TLR6: variants seen among roughly 807,000 people sequenced by gnomAD.
TLR6 encodes the protein toll like receptor 6, also known as toll-like receptor 6.
Under a neutral mutation model 16.1 loss-of-function variants are expected in TLR6, and 9 were observed. That is an observed-to-expected ratio of 0.56 (90% CI 0.34 to 0.98). The LOEUF is 0.98. Among genes scored for constraint, TLR6 ranks in the 50% least tolerant of loss-of-function variants. The pLI, the probability that TLR6 is intolerant of heterozygous loss-of-function variation, is 0.02. For missense variants in TLR6, 786 were observed against 921.0 expected (o/e 0.85, Z 1.90); for synonymous variants, 340 against 338.6 (o/e 1.00, Z -0.04).
intron 1 of TLR6, among the ~76,000 whole-genome samples, chr4:38,849,799 C>A (rs1579259093): frequency 6.6e-6 from 1 of 152,186 alleles, no homozygotes; most frequent in African/African-American, 2.4e-5. Flanking sequence ...GAGACTTTAA[C>A]ACCCCACTGT....
chr4:38,843,060 T>C (rs1054460196), intron 1 of TLR6, among the ~76,000 whole-genome samples: 7 of 152,154 alleles, frequency 4.6e-5, no homozygotes, highest in African/African-American at 9.7e-5. Flanking sequence ...AAAGCTGCCG[T>C]ATGGAAGAGA....
chr4:38,828,549 T>C (rs749256910), exon 2 of TLR6: 2 of 1,614,078 alleles, frequency 1.2e-6, no homozygotes, highest in South Asian at 2.2e-5. Context: ...ATATGTTCTA[T>C]TGTCAATGCT....
At chr4:38,865,876 C>T in the TLR6 span, among the ~76,000 whole-genome samples, 1 of 152,214 alleles carries the variant, frequency 6.6e-6, no homozygotes. Flanking sequence ...TGGTGGCTCA[C>T]GCCTGTAATC....
the TLR6 span, among the ~76,000 whole-genome samples, chr4:38,865,358 C>T: frequency 6.6e-6 from 1 of 152,162 alleles, no homozygotes; most frequent in Non-Finnish European, 1.5e-5. Flanking sequence ...GAAGCAGCTA[C>T]ATGAGTAAAA....
chr4:38,866,979 T>C, the TLR6 span, among the ~76,000 whole-genome samples: 1 of 152,218 alleles, frequency 6.6e-6, no homozygotes, highest in Admixed American at 6.5e-5. Flanking sequence ...CCTCCGACTT[T>C]TATAGAAAAT....
At chr4:38,850,635 G>A (rs12648618) in intron 1 of TLR6, among the ~76,000 whole-genome samples, 4,718 of 152,130 alleles carry the variant, frequency 0.031, 216 homozygotes, top group African/African-American at 0.087. Flanking sequence ...TCTAGAAGAA[G>A]TGAATAAATT....
chr4:38,858,216 A>C (rs1713067648), upstream of TLR6, among the ~76,000 whole-genome samples: 1 of 152,248 alleles, frequency 6.6e-6, no homozygotes, highest in Non-Finnish European at 1.5e-5. Flanking sequence ...CCACTTGGCC[A>C]CTTACTGTGA....
intron 1 of TLR6, among the ~76,000 whole-genome samples, chr4:38,853,399 A>G (rs1053649358): frequency 6.6e-6 from 1 of 152,032 alleles, no homozygotes; most frequent in African/African-American, 2.4e-5. Context: ...AAAAGAATGC[A>G]CACATTGTTC....
rs5743824 is a variant in TLR6, at chr4:38,826,849, A to G, written c.*234T>C. 1.5e-3 allele frequency: 600 copies of G among 387,402 alleles called. 4 individuals carry two copies. Among genetic ancestry groups the G allele is most frequent in the African/African-American group, 0.012 (561 of 48,564 alleles). The allele number at this position is 387,402 out of a possible 1,614,324, so 24.0% of individuals were successfully genotyped here. ...CTGAAAAACTGAGCATTTACTCAAA[A>G]GAGACTGTTTCAATTTGAAACATAA... On this transcript the variant is annotated 3_prime_UTR_variant, in exon 2 of 2. Coordinates refer to ENST00000436693, the Ensembl canonical transcript of TLR6.
At chr4:38,826,983 T>G in exon 2 of TLR6, 1 of 948,378 alleles carries the variant, frequency 1.1e-6, no homozygotes, top group Non-Finnish European at 1.5e-6. Flanking sequence ...CCTGAAGGCA[T>G]GAGGATAATG....
chr4:38,863,584 G>A, the TLR6 span, among the ~76,000 whole-genome samples: 237 of 152,252 alleles, frequency 1.6e-3, no homozygotes, highest in African/African-American at 5.2e-3. Flanking sequence ...TACTCTTCCA[G>A]TAGTGCAGAC....
chr4:38,851,025 A>C (rs961510923), intron 1 of TLR6, among the ~76,000 whole-genome samples: 1 of 152,186 alleles, frequency 6.6e-6, no homozygotes, highest in Non-Finnish European at 1.5e-5. Context: ...CAAAAAGCTT[A>C]TCCACCATGA....
intron 1 of TLR6, among the ~76,000 whole-genome samples, chr4:38,848,123 A>G (rs1382786348): frequency 1.0e-5 from 1 of 98,248 alleles, no homozygotes; most frequent in Non-Finnish European, 2.8e-5. Context: ...TTTGCTGTTC[A>G]GCAATATTCG....
At chr4:38,826,195 C>G (rs539981222) in exon 2 of TLR6, 20 of 152,378 alleles carry the variant, frequency 1.3e-4, no homozygotes, top group African/African-American at 4.8e-4. Flanking sequence ...AAGCAATCTC[C>G]CTATGGCCTA....
upstream of TLR6, among the ~76,000 whole-genome samples, chr4:38,858,884 AAAGAGAGAAAGAAAGAAAGAAAAG>A (rs1339583144): frequency 1.3e-3 from 92 of 68,358 alleles, no homozygotes; most frequent in African/African-American, 4.6e-3. Context: ...AGAAAGAAAG[AAAGAGAGAAAGAAAGAAAGAAAAG>A]AAAGAAAGAA....
chr4:38,834,037 G>A lies in TLR6; in HGVS notation c.-64-4500C>T, dbSNP rs181219376. Among the ~76,000 whole-genome samples the A allele has an allele frequency of 3.4e-3, 510 of 151,196 alleles. 1 individual carries two copies. Among genetic ancestry groups the A allele is most frequent in the South Asian group, 0.011 (53 of 4,790 alleles). On this transcript the variant is annotated intron_variant, in intron 1 of 1. Transcript: ENST00000436693. ...AGGTCAGGAGTTCGAGACCAGCCTG[G>A]CCAAAATGGTGAAACCATATCTGTA...
chr4:38,862,150 G>A, the TLR6 span, among the ~76,000 whole-genome samples: 1 of 152,050 alleles, frequency 6.6e-6, no homozygotes, highest in Non-Finnish European at 1.5e-5. Context: ...TGAACTCTCT[G>A]TGCCAAGAGC....
At chr4:38,860,332 T>A (rs192342017), upstream of TLR6, among the ~76,000 whole-genome samples, 38 of 152,068 alleles carry the variant, frequency 2.5e-4, no homozygotes, top group African/African-American at 8.9e-4. Flanking sequence ...ATTAGCTGGA[T>A]GTGGTGGCTG....
rs186859863 is a variant in TLR6, at chr4:38,850,116, C to T, written c.-65+6645G>A. Among the ~76,000 whole-genome samples the T allele has an allele frequency of 1.6e-3, 239 of 152,314 alleles. 1 individual carries two copies. Among genetic ancestry groups the T allele is most frequent in the African/African-American group, 5.2e-3 (214 of 41,550 alleles). On this transcript the variant is annotated intron_variant, in intron 1 of 1. Transcript: ENST00000436693. ...AACTACATGGAAACTGAACAACCTG[C>T]TCCTGAATGACTACTGGGTTCATAA...
Sources: allele counts gnomAD v4.1 joint callset (sites outside exome capture counted in the v4.1 genomes callset), GRCh38; gene constraint gnomAD v4.1.1; transcripts MANE v1.5; gene names NCBI Gene and HGNC (gene_info 2026-07-23, HGNC 2026-07-21).